DMD: variants seen among roughly 807,000 people sequenced by gnomAD.
DMD encodes dystrophin.
In DMD, 63 loss-of-function variants were observed where a neutral mutation model predicts 330.1. The ratio of observed to expected loss-of-function variants is 0.19; its 90% CI spans 0.16 to 0.24. The LOEUF (loss-of-function observed/expected upper bound fraction) is 0.24, where lower values mean the gene tolerates loss of function less well. Ranked by LOEUF, DMD falls within the 10% of genes least tolerant of loss-of-function variation. The probability of loss-of-function intolerance (pLI) is 1.00; values close to 1 mark genes in which losing one functional copy is unlikely to be tolerated. For missense variants in DMD, 3,344 were observed against 2,684.1 expected, an observed-to-expected ratio of 1.25 and a Z score of -5.43; for synonymous variants, 1,223 against 959.8, an observed-to-expected ratio of 1.27 and a Z score of -5.07.
At chrX:31,644,411 C>T (rs1262463233) in intron 54 of DMD, among the ~76,000 whole-genome samples, 1 of 111,844 alleles carries the variant, frequency 8.9e-6, no homozygotes, top group African/African-American at 3.2e-5. Context: ...AGAATTAACA[C>T]AAACTGGTGT....
At chrX:31,779,000 CT>C (rs1021471986) in intron 50 of DMD, among the ~76,000 whole-genome samples, 2 of 111,677 alleles carry the variant, frequency 1.8e-5, no homozygotes, top group Non-Finnish European at 3.8e-5. Flanking sequence ...TGCAAATCAC[CT>C]TTTTCAGTGA....
intron 1 of DMD, among the ~76,000 whole-genome samples, chrX:33,115,859 CAT>C (rs1164001637): frequency 9.1e-6 from 1 of 109,415 alleles, no homozygotes; most frequent in African/African-American, 3.3e-5. Flanking sequence ...TATTTAAAAA[CAT>C]ATTATTTGAT....
At chrX:31,867,383 C>A (rs866707524) in intron 48 of DMD, among the ~76,000 whole-genome samples, 14 of 110,558 alleles carry the variant, frequency 1.3e-4, no homozygotes, top group African/African-American at 4.6e-4. Flanking sequence ...TTTTTGAAAT[C>A]TTTTATTGTC....
chrX:31,859,010 T>C (rs960665045), intron 48 of DMD, among the ~76,000 whole-genome samples: 1 of 111,775 alleles, frequency 8.9e-6, no homozygotes, highest in African/African-American at 3.3e-5. Context: ...AACTCAGAGA[T>C]TTAAGAATCC....
chrX:31,259,715 T>C (rs910966785), intron 63 of DMD, among the ~76,000 whole-genome samples: 3 of 111,796 alleles, frequency 2.7e-5, no homozygotes, highest in South Asian at 3.8e-4. Flanking sequence ...TAGAAAAATG[T>C]TTAATAAAAC....
intron 57 of DMD, among the ~76,000 whole-genome samples, chrX:31,487,533 G>C (rs1004529416): frequency 4.5e-5 from 5 of 111,776 alleles, no homozygotes; most frequent in African/African-American, 1.6e-4. Context: ...GCACAAATCG[G>C]TATTGTTAAC....
chrX:31,886,830 A>C (rs2094161832), intron 47 of DMD, among the ~76,000 whole-genome samples: 1 of 112,106 alleles, frequency 8.9e-6, no homozygotes, highest in Non-Finnish European at 1.9e-5. Context: ...AAATTTCAAA[A>C]AAATTTTCTG....
chrX:31,123,211 A>G (rs2033065111), intron 78 of DMD, among the ~76,000 whole-genome samples: 1 of 111,333 alleles, frequency 9.0e-6, no homozygotes, highest in Admixed American at 9.6e-5. Context: ...CACCAGATCA[A>G]CTGAAGACTT....
rs186240921 is a variant in DMD, at chrX:32,564,226, A to C, written c.1992+1476T>G. Among the ~76,000 whole-genome samples, 24 of 112,320 alleles carry C rather than the reference A, an allele frequency of 2.1e-4. No individual in the cohort carries two copies. In the East Asian group the frequency reaches 5.9e-3, roughly 28 times the overall value. On this transcript the variant is annotated intron_variant, in intron 16 of 78. Coordinates refer to ENST00000357033, the MANE Select transcript of DMD (RefSeq NM_004006.3). ...GTTTGAGAACCACTCCATGCAATGC[A>C]AATGAACTAGAAGATGACCTACAGT... is the stretch of plus-strand genomic sequence containing the variant.
At chrX:32,464,896 G>C (rs1400809941) in intron 23 of DMD, among the ~76,000 whole-genome samples, 197 bp from the exon 24 acceptor site, 5 of 111,890 alleles carry the variant, frequency 4.5e-5, no homozygotes, top group Non-Finnish European at 7.5e-5. Context: ...GGTGTGTGAA[G>C]TCTGCTATTG....
chrX:31,396,391 C>T (rs999887171), intron 60 of DMD, among the ~76,000 whole-genome samples: 62 of 111,129 alleles, frequency 5.6e-4, no homozygotes, highest in Non-Finnish European at 3.6e-4. Context: ...CCCGCCTCGG[C>T]CTCCCAAAGT....
chrX:33,324,785 C>G (rs1409822299), intron 1 of DMD, among the ~76,000 whole-genome samples: 2 of 111,790 alleles, frequency 1.8e-5, no homozygotes, highest in East Asian at 5.6e-4. Context: ...TGAATATCAA[C>G]ATGGCACTAT....
At chrX:32,722,228 C>A (rs939684529) in intron 7 of DMD, among the ~76,000 whole-genome samples, 1 of 109,926 alleles carries the variant, frequency 9.1e-6, no homozygotes, top group African/African-American at 3.3e-5. Context: ...GTACAGTCAA[C>A]CTTCTATTTC....
intron 52 of DMD, among the ~76,000 whole-genome samples, chrX:31,700,299 T>C (rs1306922300): frequency 1.8e-5 from 2 of 111,894 alleles, no homozygotes; most frequent in African/African-American, 6.5e-5. Context: ...CTGTGGGATA[T>C]GGAAGTTTAA....
At chrX:32,957,698 G>A (rs1041164000) in intron 2 of DMD, among the ~76,000 whole-genome samples, 1 of 112,069 alleles carries the variant, frequency 8.9e-6, no homozygotes, top group Non-Finnish European at 1.9e-5. Context: ...CAAAGAGACA[G>A]TGAGAACACT....
At chrX:33,233,942 T>C (rs2052433299) in intron 1 of DMD, among the ~76,000 whole-genome samples, 1 of 112,217 alleles carries the variant, frequency 8.9e-6, no homozygotes, top group African/African-American at 3.2e-5. Flanking sequence ...ATAGGATCTT[T>C]TATATTATTT....
At chrX:31,555,500 C>T (rs1306413785) in intron 55 of DMD, among the ~76,000 whole-genome samples, 1 of 112,037 alleles carries the variant, frequency 8.9e-6, no homozygotes, top group Admixed American at 9.5e-5. Context: ...TACACATGAG[C>T]ACTTAATGTT....
rs143892904 is a variant in DMD, at chrX:32,083,046, C to A, written c.6439-114532G>T. ...ATAATTTTTAAGCACCTCTTATTGT[C>A]CTAGCTAACACCCTGGATGAAATGG... On this transcript the variant is annotated intron_variant, in intron 44 of 78. Coordinates refer to ENST00000357033, the MANE Select transcript of DMD (RefSeq NM_004006.3). 1.4e-3 allele frequency among the ~76,000 whole-genome samples: 161 copies of A among 111,945 alleles called. 4 individuals are homozygous for A. The East Asian group carries it at 0.041, about 28-fold the overall frequency.
In DMD at chrX:31,709,925, G is replaced by T. The variant is rs761291104; in HGVS notation, c.7660+19706C>A. 3.6e-5 allele frequency among the ~76,000 whole-genome samples: 4 copies of T among 111,091 alleles called. 1 individual carries two copies. The highest frequency in any genetic ancestry group is 7.5e-5 in the Non-Finnish European group (4 of 52,984). Reference sequence around the variant, plus strand: ...GTCCTAACATTCCAGAAATTTCAAAGAAACTAGAAAGAAAGATTTTCTTCT... The same window carrying T: ...GTCCTAACATTCCAGAAATTTCAAATAAACTAGAAAGAAAGATTTTCTTCT... On this transcript the variant is annotated intron_variant, in intron 52 of 78. Transcript: ENST00000357033.
Sources: gnomAD v4.1 joint callset for allele counts (sites outside exome capture counted in the v4.1 genomes callset) on GRCh38, gnomAD v4.1.1 for gene constraint, MANE v1.5 for transcripts, NCBI Gene and HGNC (gene_info 2026-07-23, HGNC 2026-07-21) for gene names.